The following MACROD2 variants were observed in gnomAD, a reference collection of about 807,000 sequenced individuals.
MACROD2 encodes ADP-ribose glycohydrolase MACROD2.
A neutral mutation model predicts 70.4 loss-of-function variants in MACROD2; 36 were observed. That is an observed-to-expected ratio of 0.51 (90% CI 0.39 to 0.68). The LOEUF is 0.68. MACROD2 is among the 30% of genes least tolerant of loss of function. The probability of loss-of-function intolerance (pLI) is 0.00; values close to 1 mark genes in which losing one functional copy is unlikely to be tolerated. For missense variants in MACROD2, 496 were observed against 538.4 expected (o/e 0.92, Z 0.78); for synonymous variants, 172 against 178.8 (o/e 0.96, Z 0.30).
chr20:15,574,585 G>A (rs1446865917), intron 8 of MACROD2, among the ~76,000 whole-genome samples: 1 of 152,054 alleles, frequency 6.6e-6, no homozygotes, highest in South Asian at 2.1e-4. Context: ...CTCGCAATTG[G>A]GAATCTCCTG....
intron 3 of MACROD2, among the ~76,000 whole-genome samples, chr20:14,154,350 A>G (rs1456531584): frequency 6.6e-6 from 1 of 151,518 alleles, no homozygotes; most frequent in Admixed American, 6.6e-5. Flanking sequence ...AACCTGCTGG[A>G]GTAGGTTCAG....
At chr20:14,078,136 A>G (rs1223636187) in intron 2 of MACROD2, among the ~76,000 whole-genome samples, 1 of 152,084 alleles carries the variant, frequency 6.6e-6, no homozygotes, top group Non-Finnish European at 1.5e-5. Flanking sequence ...TTCCGAACTC[A>G]GGTGATCCGC....
chr20:16,015,336 TG>T (rs2066915444), intron 15 of MACROD2, among the ~76,000 whole-genome samples: 1 of 152,174 alleles, frequency 6.6e-6, no homozygotes, highest in Non-Finnish European at 1.5e-5. Flanking sequence ...TTTCCATCTC[TG>T]TAGAAAATAA....
In MACROD2 at chr20:14,835,565, G is replaced by A. The variant is rs113352670; in HGVS notation, c.418+150606G>A. Among the ~76,000 whole-genome samples the A allele has an allele frequency of 5.9e-3, 900 of 152,126 alleles. 9 individuals carry two copies. Among genetic ancestry groups the A allele is most frequent in the African/African-American group, 0.021 (856 of 41,506 alleles). On this transcript the variant is annotated intron_variant, in intron 5 of 17. Coordinates refer to ENST00000684519, the MANE Select transcript of MACROD2 (RefSeq NM_001351661.2). Reference sequence around the variant, plus strand: ...GCTCTTAAAGTCTGAGTGAAGCTAAGGGCAAGTACAGAGGGGATGACCCAG... The same window carrying A: ...GCTCTTAAAGTCTGAGTGAAGCTAAAGGCAAGTACAGAGGGGATGACCCAG...
chr20:15,986,744 A>G lies in MACROD2; in HGVS notation c.1003A>G (p.Thr335Ala), dbSNP rs1224266058. Residue 335 changes from threonine (T) to alanine (A), a missense_variant, in exon 14 of 18, where the codon ACG becomes GCG. By Grantham distance (58) the Thr-to-Ala change is moderately conservative. Coordinates refer to ENST00000684519, the MANE Select transcript of MACROD2 (RefSeq NM_001351661.2). ...DHPDGQENDS[T>A]KNEIKIETES... ...TTGAACAGGACAAGAGAATGATTCA[A>G]CGAAGAATGAAATAAAAATTGAAAC... The G allele has an allele frequency of 6.8e-6, 11 of 1,613,298 alleles. No individual in the cohort carries two copies. The highest frequency in any genetic ancestry group is 1.7e-5 in the Admixed American group (1 of 59,994).
rs558805073 is a variant in MACROD2, at chr20:15,185,063, G to T, written c.419-44877G>T. ...TTAACCATGTGGAGCTTGACACTTT[G>T]TTGATTGCATGCACATCTTGTCTTG... On this transcript the variant is annotated intron_variant, in intron 5 of 17. Transcript: ENST00000684519. Among the ~76,000 whole-genome samples, 4 of 152,270 alleles carry T rather than the reference G, an allele frequency of 2.6e-5. No homozygotes were observed. In the South Asian group the frequency reaches 6.2e-4, roughly 24 times the overall value.
chr20:14,851,012 A>G (rs2073193937), intron 5 of MACROD2, among the ~76,000 whole-genome samples: 1 of 152,138 alleles, frequency 6.6e-6, no homozygotes, highest in Non-Finnish European at 1.5e-5. Flanking sequence ...GTGATAGGAC[A>G]TACCTTTTGC....
intron 5 of MACROD2, among the ~76,000 whole-genome samples, chr20:15,053,755 G>T (rs946130209): frequency 2.6e-5 from 4 of 152,110 alleles, no homozygotes; most frequent in African/African-American, 9.7e-5. Flanking sequence ...AATACATTTT[G>T]TAAGGCCATA....
chr20:15,185,586 T>C (rs2145907641), intron 5 of MACROD2, among the ~76,000 whole-genome samples: 1 of 152,332 alleles, frequency 6.6e-6, no homozygotes, highest in South Asian at 2.1e-4. Flanking sequence ...CAGTTTCAAA[T>C]GTCTTCTGCC....
intron 8 of MACROD2, among the ~76,000 whole-genome samples, chr20:15,618,544 C>A (rs1326945346): frequency 6.6e-6 from 1 of 152,074 alleles, no homozygotes. Context: ...ACCCTGCCCC[C>A]AAGATTTCAT....
At chr20:14,302,676 A>G (rs1365462704) in intron 3 of MACROD2, among the ~76,000 whole-genome samples, 1 of 147,928 alleles carries the variant, frequency 6.8e-6, no homozygotes, top group Non-Finnish European at 1.5e-5. Flanking sequence ...TTTTTTTTTT[A>G]GACGGAGTTT....
At chr20:14,131,132 A>G (rs1224369585) in intron 3 of MACROD2, among the ~76,000 whole-genome samples, 1 of 151,964 alleles carries the variant, frequency 6.6e-6, no homozygotes, top group Non-Finnish European at 1.5e-5. Context: ...TGCCTGGGCT[A>G]TGTTGCTCAG....
At chr20:15,832,188 C>T (rs893576941) in intron 8 of MACROD2, among the ~76,000 whole-genome samples, 2 of 152,054 alleles carry the variant, frequency 1.3e-5, no homozygotes, top group Non-Finnish European at 2.9e-5. Flanking sequence ...TTGCAGTCCT[C>T]AGTGAATTTT....
intron 5 of MACROD2, among the ~76,000 whole-genome samples, chr20:14,767,034 G>A (rs75205727): frequency 0.022 from 3,360 of 152,092 alleles, 123 homozygotes; most frequent in African/African-American, 0.076. Context: ...AAACATTCTC[G>A]TATAAGAGCA....
intron 5 of MACROD2, among the ~76,000 whole-genome samples, chr20:14,717,994 A>G (rs1568756247): frequency 6.6e-6 from 1 of 152,056 alleles, no homozygotes; most frequent in South Asian, 2.1e-4. Context: ...GCACACACAC[A>G]CGTCTGTGAA....
intron 3 of MACROD2, among the ~76,000 whole-genome samples, chr20:14,239,817 A>G (rs1444856079): frequency 1.3e-5 from 2 of 152,214 alleles, no homozygotes; most frequent in Non-Finnish European, 1.5e-5. Context: ...CAATAAAAAC[A>G]AAAATTGACA....
In MACROD2 at chr20:14,170,294, C is replaced by T. The variant is rs189966367; in HGVS notation, c.271+84566C>T. ...ATACAATCATATCATCAGCAAACAG[C>T]GACAGTTTGACTAACTCTTTAATGA... On this transcript the variant is annotated intron_variant, in intron 3 of 17. Coordinates refer to ENST00000684519, the MANE Select transcript of MACROD2 (RefSeq NM_001351661.2). Among the ~76,000 whole-genome samples, 591 of 152,246 alleles carry T rather than the reference C, an allele frequency of 3.9e-3. 6 individuals are homozygous for T. Among genetic ancestry groups the T allele is most frequent in the African/African-American group, 0.013 (556 of 41,536 alleles).
At chr20:15,209,108 G>A (rs1202655698) in intron 5 of MACROD2, among the ~76,000 whole-genome samples, 4 of 132,376 alleles carry the variant, frequency 3.0e-5, no homozygotes, top group Non-Finnish European at 5.1e-5. Flanking sequence ...TGGTGGTGGT[G>A]GTGGTGGTAT....
At chr20:14,686,153 C>G (rs2070999660) in intron 5 of MACROD2, among the ~76,000 whole-genome samples, 1 of 151,976 alleles carries the variant, frequency 6.6e-6, no homozygotes, top group Non-Finnish European at 1.5e-5. Flanking sequence ...TGGCGGTGGT[C>G]CTATAAGATT....
Sources: gnomAD v4.1 joint callset for allele counts (sites outside exome capture counted in the v4.1 genomes callset) on GRCh38, gnomAD v4.1.1 for gene constraint, MANE v1.5 for transcripts, NCBI Gene and HGNC (gene_info 2026-07-23, HGNC 2026-07-21) for gene names.